Variants in FAM24B observed in about 807,000 individuals in gnomAD.
FAM24B encodes family with sequence similarity 24 member B, also known as protein FAM24B.
FAM24B carries 3 observed loss-of-function variants against 2.3 expected under a neutral mutation model. The observed-to-expected ratio is 1.29, with a 90% CI of 0.59 to 3.32. The LOEUF is 3.32. FAM24B is among the 30% of genes most tolerant of loss of function. FAM24B has a pLI of 0.03. For missense variants in FAM24B, 98 were observed against 117.2 expected, an observed-to-expected ratio of 0.84 and a Z score of 0.76; for synonymous variants, 36 against 46.3, an observed-to-expected ratio of 0.78 and a Z score of 0.90.
chr10:122,861,155 T>G (rs1483193874), intron 1 of FAM24B, among the ~76,000 whole-genome samples: 2 of 152,204 alleles, frequency 1.3e-5, no homozygotes, highest in East Asian at 1.9e-4. Flanking sequence ...TTTTATAGTT[T>G]TATATTTTAC....
intron 1 of FAM24B, among the ~76,000 whole-genome samples, chr10:122,874,903 T>C (rs1489226385): frequency 6.6e-6 from 1 of 152,204 alleles, no homozygotes; most frequent in Non-Finnish European, 1.5e-5. Context: ...TTTCCCAGGG[T>C]AGCCCAGGGG....
chr10:122,869,555 G>A (rs1847857636), intron 1 of FAM24B, among the ~76,000 whole-genome samples: 1 of 152,134 alleles, frequency 6.6e-6, no homozygotes, highest in Non-Finnish European at 1.5e-5. Flanking sequence ...CTCAGCAAAT[G>A]TAAAAGAACA....
At chr10:122,878,109 C>T (rs1237654670) in intron 1 of FAM24B, among the ~76,000 whole-genome samples, 3 of 152,100 alleles carry the variant, frequency 2.0e-5, no homozygotes, top group African/African-American at 7.2e-5. Flanking sequence ...GTGCTTGGCA[C>T]TAAATGATGA....
intron 1 of FAM24B, among the ~76,000 whole-genome samples, chr10:122,877,408 G>A (rs1847991875): frequency 6.6e-6 from 1 of 152,104 alleles, no homozygotes; most frequent in African/African-American, 2.4e-5. Context: ...AATCACAAGG[G>A]GTGAAGCTGT....
chr10:122,850,559 A>G lies in FAM24B; in HGVS notation c.-35-9T>C, dbSNP rs201342475. The G allele has an allele frequency of 3.0e-4, 427 of 1,441,224 alleles. No individual in the cohort carries two copies. Among genetic ancestry groups the G allele is most frequent in the Non-Finnish European group, 3.8e-4 (388 of 1,022,000 alleles). 89.3% of individuals were successfully genotyped at this position (1,441,224 alleles called of 1,614,324 possible). The stretch of plus-strand genomic sequence containing the variant: ...AAAAGACTTCGATGTACCTAGGCAG[A>G]TAAGTGCAAGCAAGCACTGAGCCCA... On this transcript the variant is annotated splice_polypyrimidine_tract_variant and intron_variant, in intron 2 of 3. Coordinates refer to ENST00000368898, the MANE Select transcript of FAM24B (RefSeq NM_152644.3).
intron 1 of FAM24B, among the ~76,000 whole-genome samples, chr10:122,866,626 TATGGTG>T (rs2133835927): frequency 6.6e-6 from 1 of 152,238 alleles, no homozygotes; most frequent in African/African-American, 2.4e-5. Context: ...TTATATATGT[TATGGTG>T]ATCTGTGATC....
At chr10:122,864,688 C>A (rs1471767501) in intron 1 of FAM24B, among the ~76,000 whole-genome samples, 1 of 152,114 alleles carries the variant, frequency 6.6e-6, no homozygotes, top group Non-Finnish European at 1.5e-5. Flanking sequence ...TTAATTTTGC[C>A]CCCAAAATCC....
chr10:122,864,817 T>C (rs965615401), intron 1 of FAM24B, among the ~76,000 whole-genome samples: 6 of 152,358 alleles, frequency 3.9e-5, no homozygotes, highest in South Asian at 2.1e-4. Context: ...TGGAACCATA[T>C]AGTATGTAGC....
At chr10:122,850,948 C>T (rs535463830) in intron 2 of FAM24B, among the ~76,000 whole-genome samples, 1 of 152,120 alleles carries the variant, frequency 6.6e-6, no homozygotes, top group Non-Finnish European at 1.5e-5. Flanking sequence ...AGAAATGACC[C>T]CCCACTGGAT....
At chr10:122,866,989 G>A (rs1322916757) in intron 1 of FAM24B, among the ~76,000 whole-genome samples, 1 of 152,152 alleles carries the variant, frequency 6.6e-6, no homozygotes, top group Admixed American at 6.5e-5. Flanking sequence ...TACCAAGTTG[G>A]AATGCAAATG....
chr10:122,868,690 A>G (rs1847842710), intron 1 of FAM24B, among the ~76,000 whole-genome samples: 1 of 152,088 alleles, frequency 6.6e-6, no homozygotes, highest in African/African-American at 2.4e-5. Context: ...ACTAAGCTTC[A>G]TAAGTGAAGG....
intron 1 of FAM24B, among the ~76,000 whole-genome samples, chr10:122,859,342 A>T (rs953088438): frequency 6.6e-6 from 1 of 152,208 alleles, no homozygotes; most frequent in Non-Finnish European, 1.5e-5. Flanking sequence ...ATTCTGATGG[A>T]AGCATGGCAG....
At chr10:122,862,217 C>T (rs898357339) in intron 1 of FAM24B, among the ~76,000 whole-genome samples, 1 of 152,204 alleles carries the variant, frequency 6.6e-6, no homozygotes, top group African/African-American at 2.4e-5. Flanking sequence ...ATTGAACCCC[C>T]ACCTACAAGA....
intron 2 of FAM24B, chr10:122,855,331 C>T (rs1847620272): frequency 6.6e-6 from 1 of 152,206 alleles, no homozygotes; most frequent in Non-Finnish European, 1.5e-5. Flanking sequence ...CTTTCCCTCA[C>T]CAAACTTTAT....
chr10:122,853,441 C>G (rs2133825688), intron 2 of FAM24B, among the ~76,000 whole-genome samples: 1 of 152,300 alleles, frequency 6.6e-6, no homozygotes, highest in African/African-American at 2.4e-5. Flanking sequence ...CTCCCTGTCC[C>G]TCGCCTCCTC....
Position 122,860,418 on chromosome 10 carries a change from T to C in FAM24B, c.-177-4632A>G, listed in dbSNP as rs563864388. ...GGACCACAGTTTATCCATTCATACA[T>C]TGAAGGACATGTGGATTTATTTCCA... On this transcript the variant is annotated intron_variant, in intron 1 of 3. Coordinates refer to ENST00000368898, the MANE Select transcript of FAM24B (RefSeq NM_152644.3). 1.6e-4 allele frequency among the ~76,000 whole-genome samples: 24 copies of C among 152,338 alleles called. No individual in the cohort carries two copies. In the South Asian group the frequency reaches 2.5e-3, roughly 16 times the overall value.
chr10:122,849,126 A>T lies in FAM24B; in HGVS notation c.*121T>A. 1.5e-6 allele frequency: 1 copy of T among 680,580 alleles called. No homozygotes were observed. Among genetic ancestry groups the T allele is most frequent in the Non-Finnish European group, 2.2e-6 (1 of 446,850 alleles). The allele number at this position is 680,580 out of a possible 1,614,324, so 42.2% of individuals were successfully genotyped here. On this transcript the variant is annotated 3_prime_UTR_variant, in exon 4 of 4. Transcript: ENST00000368898. ...TAATAGTGTACATTTATTCAAAAGT[A>T]TATAAAACAACACTGTAAATTATAT...
At chr10:122,867,083 A>C (rs1214540775) in intron 1 of FAM24B, among the ~76,000 whole-genome samples, 1 of 152,228 alleles carries the variant, frequency 6.6e-6, no homozygotes, top group Non-Finnish European at 1.5e-5. Context: ...TGATATGAAT[A>C]AAGTTTTAGT....
At chr10:122,852,772 T>C (rs530025962) in intron 2 of FAM24B, among the ~76,000 whole-genome samples, 1 of 152,192 alleles carries the variant, frequency 6.6e-6, no homozygotes, top group Non-Finnish European at 1.5e-5. Flanking sequence ...TCTTTACAGC[T>C]TGGTAACAGT....
Sources: allele counts gnomAD v4.1 joint callset (sites outside exome capture counted in the v4.1 genomes callset), GRCh38; gene constraint gnomAD v4.1.1; transcripts MANE v1.5; gene names NCBI Gene and HGNC (gene_info 2026-07-23, HGNC 2026-07-21).